Variants in PYGO1 observed in about 807,000 individuals in gnomAD.
The protein encoded by PYGO1 is pygopus homolog 1.
Under a neutral mutation model 29.5 loss-of-function variants are expected in PYGO1, and 6 were observed. That is an observed-to-expected ratio of 0.20 (90% CI 0.11 to 0.40). PYGO1 has a LOEUF of 0.40. Ranked by LOEUF, PYGO1 falls within the 10% of genes least tolerant of loss-of-function variation. The pLI, the probability that PYGO1 is intolerant of heterozygous loss-of-function variation, is 1.00. For synonymous variants in PYGO1, 186 were observed against 180.5 expected (o/e 1.03, Z -0.24); for missense variants, 515 against 514.9 (o/e 1.00, Z 0.00).
chr15:55,565,786 TTTTTC>T lies in PYGO1; in HGVS notation c.50-16796_50-16792del, dbSNP rs761171470. On this transcript the variant is annotated intron_variant, in intron 1 of 2. Coordinates refer to ENST00000563719, the MANE Select transcript of PYGO1 (RefSeq NM_001367806.1). Reference sequence around the variant, plus strand: ...CTTTTCCATGTATGTCCTTTGCCATTTTTTCTTTTCTTTTCTTGAGACAGTCTCAC... The same window carrying T: ...CTTTTCCATGTATGTCCTTTGCCATTTTTTCTTTTCTTGAGACAGTCTCAC... Among the ~76,000 whole-genome samples, 8 of 152,194 alleles carry T rather than the reference TTTTTC, an allele frequency of 5.3e-5. No individual in the cohort carries two copies. The South Asian group carries it at 1.0e-3, about 20-fold the overall frequency.
At chr15:55,582,975 T>C (rs894801667) in intron 1 of PYGO1, among the ~76,000 whole-genome samples, 3 of 152,190 alleles carry the variant, frequency 2.0e-5, no homozygotes, top group African/African-American at 7.2e-5. Flanking sequence ...TTATGACATT[T>C]CTGTACTACT....
At chr15:55,581,116 GGATACT>G (rs1261591384) in intron 1 of PYGO1, among the ~76,000 whole-genome samples, 2 of 152,160 alleles carry the variant, frequency 1.3e-5, no homozygotes, top group African/African-American at 4.8e-5. Flanking sequence ...GATAAGCACA[GGATACT>G]GAGAGAACAT....
In PYGO1 at chr15:55,587,910, C is replaced by A. The variant is rs746036740; in HGVS notation, c.-27G>T. On this transcript the variant is annotated 5_prime_UTR_variant, in exon 1 of 3. Coordinates refer to ENST00000563719, the MANE Select transcript of PYGO1 (RefSeq NM_001367806.1). ...ACAGACCGCAAAGCATGACTCCCCC[C>A]CAGGCCGCGGGAATTCGGTCTCTTT... 96 of 1,465,558 alleles carry A rather than the reference C, an allele frequency of 6.6e-5. No individual in the cohort carries two copies. The highest frequency in any genetic ancestry group is 7.8e-5 in the Non-Finnish European group (86 of 1,107,222). The allele number at this position is 1,465,558 out of a possible 1,614,324, so 90.8% of individuals were successfully genotyped here. A position where few individuals can be genotyped will look rare whatever the true frequency, so the allele number is the denominator to read the frequency against.
In PYGO1 at chr15:55,543,841, A is replaced by G. The variant is rs2058838074; in HGVS notation, c.*2182T>C. The G allele has an allele frequency of 6.6e-6, 1 of 152,196 alleles. No homozygotes were observed. The highest frequency in any genetic ancestry group is 6.5e-5 in the Admixed American group (1 of 15,270). The allele number at this position is 152,196 out of a possible 1,614,324, so 9.4% of individuals were successfully genotyped here. On this transcript the variant is annotated 3_prime_UTR_variant, in exon 3 of 3. Transcript: ENST00000563719. The stretch of plus-strand genomic sequence containing the variant: ...GCATACAGCATACAGTGCATCATTT[A>G]TTAAAAATCAGCACTCATTAAACTT...
chr15:55,585,730 T>A (rs546411387), intron 1 of PYGO1, among the ~76,000 whole-genome samples: 1 of 152,328 alleles, frequency 6.6e-6, no homozygotes, highest in South Asian at 2.1e-4. Context: ...CACTCATCCA[T>A]TTTATTTAGA....
At position 55,542,318 on chromosome 15, in the gene PYGO1, A is replaced by C. The variant is rs540076801; in HGVS notation, c.*3705T>G. ...TGCCACTAGGCAGAGTTGGGAGTCT[A>C]AAACAAACCACCAAAAAAGTAGATT... On this transcript the variant is annotated 3_prime_UTR_variant, in exon 3 of 3. Transcript: ENST00000563719. The C allele has an allele frequency of 4.8e-4, 73 of 152,326 alleles. No homozygotes were observed. The highest frequency in any genetic ancestry group is 4.2e-3 in the Admixed American group (65 of 15,308). The allele number at this position is 152,326 out of a possible 1,614,324, so 9.4% of individuals were successfully genotyped here.
chr15:55,560,585 G>T (rs976899392), intron 1 of PYGO1, among the ~76,000 whole-genome samples: 4 of 152,196 alleles, frequency 2.6e-5, no homozygotes, highest in Non-Finnish European at 5.9e-5. Context: ...AATCAGTATT[G>T]TGAAAATGGC....
chr15:55,565,175 G>A (rs1021393933), intron 1 of PYGO1, among the ~76,000 whole-genome samples: 12 of 151,998 alleles, frequency 7.9e-5, no homozygotes, highest in African/African-American at 1.9e-4. Context: ...CAGCCCAATC[G>A]AGGGATTAAC....
At chr15:55,588,721 G>A, upstream of PYGO1, 1 of 1,470,064 alleles carries the variant, frequency 6.8e-7, no homozygotes, top group Admixed American at 1.7e-5. Context: ...CTTTCGCAAG[G>A]AAAGGGCATC....
chr15:55,548,240 G>C (rs1056064792), intron 2 of PYGO1, among the ~76,000 whole-genome samples: 4 of 151,772 alleles, frequency 2.6e-5, no homozygotes, highest in African/African-American at 9.7e-5. Flanking sequence ...GTCTGGTCTC[G>C]AACTCCTGGC....
intron 1 of PYGO1, among the ~76,000 whole-genome samples, chr15:55,569,755 G>A (rs895409140): frequency 6.6e-6 from 1 of 152,186 alleles, no homozygotes; most frequent in Non-Finnish European, 1.5e-5. Context: ...CAGATGAGAA[G>A]AATGTATATT....
intron 1 of PYGO1, among the ~76,000 whole-genome samples, chr15:55,551,986 C>T (rs2058880809): frequency 6.6e-6 from 1 of 151,974 alleles, no homozygotes; most frequent in African/African-American, 2.4e-5. Flanking sequence ...GAGAAATATA[C>T]ATGATCATTT....
At chr15:55,567,549 C>T (rs974322814) in intron 1 of PYGO1, among the ~76,000 whole-genome samples, 1 of 151,994 alleles carries the variant, frequency 6.6e-6, no homozygotes, top group Non-Finnish European at 1.5e-5. Context: ...TATATTCTCC[C>T]TTCTGTAGGT....
At chr15:55,587,264 T>A (rs1315802586) in intron 1 of PYGO1, among the ~76,000 whole-genome samples, 1 of 152,202 alleles carries the variant, frequency 6.6e-6, no homozygotes, top group East Asian at 1.9e-4. Context: ...ATAACACTGA[T>A]TTTAGATAAT....
rs575733503 is a variant in PYGO1 at position 55,539,908 on chromosome 15, T to C, written c.*6115A>G. 2.0e-5 allele frequency: 3 copies of C among 152,182 alleles called. No homozygotes were observed. Among genetic ancestry groups the C allele is most frequent in the South Asian group, 2.1e-4 (1 of 4,822 alleles). 9.4% of individuals were successfully genotyped at this position (152,182 alleles called of 1,614,324 possible). On this transcript the variant is annotated 3_prime_UTR_variant, in exon 3 of 3. Coordinates refer to ENST00000563719, the MANE Select transcript of PYGO1 (RefSeq NM_001367806.1). ...TTATTAAGGATAATTTAAACTGATA[T>C]GTCTAAAATTTGAATTTTTAAAAAG...
At position 55,568,187 on chromosome 15, in the gene PYGO1, T is replaced by C. The variant is rs188132088; in HGVS notation, c.50-19192A>G. On this transcript the variant is annotated intron_variant, in intron 1 of 2. Transcript: ENST00000563719. ...GAGCAGTGTGGCTATTTTAATGAGATTGATTCCTTCAATTCATGAGCATAG... is the reference window on the plus strand; with the variant it reads ...GAGCAGTGTGGCTATTTTAATGAGACTGATTCCTTCAATTCATGAGCATAG... Among the ~76,000 whole-genome samples, 66 of 152,330 alleles carry C rather than the reference T, an allele frequency of 4.3e-4. 2 individuals are homozygous for C. In the South Asian group the frequency reaches 5.0e-3, roughly 11 times the overall value.
At chr15:55,577,255 A>T (rs982758808) in intron 1 of PYGO1, among the ~76,000 whole-genome samples, 1 of 152,168 alleles carries the variant, frequency 6.6e-6, no homozygotes, top group Non-Finnish European at 1.5e-5. Flanking sequence ...AAAAGAATGC[A>T]AACTTTTGTC....
chr15:55,553,004 G>C (rs573044968), intron 1 of PYGO1, among the ~76,000 whole-genome samples: 14 of 152,308 alleles, frequency 9.2e-5, no homozygotes, highest in South Asian at 4.1e-4. Flanking sequence ...GCAAGTTCCT[G>C]GGGGAGGGGT....
At chr15:55,553,210 G>C (rs996364637) in intron 1 of PYGO1, among the ~76,000 whole-genome samples, 1 of 152,092 alleles carries the variant, frequency 6.6e-6, no homozygotes, top group African/African-American at 2.4e-5. Context: ...TTCCAAGCAG[G>C]GTTATACAAG....
Sources: allele counts gnomAD v4.1 joint callset (sites outside exome capture counted in the v4.1 genomes callset), GRCh38; gene constraint gnomAD v4.1.1; transcripts MANE v1.5; gene names NCBI Gene and HGNC (gene_info 2026-07-23, HGNC 2026-07-21).